PUM3: variants seen among roughly 807,000 people sequenced by gnomAD.
PUM3 encodes the protein pumilio homolog 3.
A neutral mutation model predicts 84.0 loss-of-function variants in PUM3; 91 were observed. The ratio of observed to expected loss-of-function variants is 1.08; its 90% CI spans 0.91 to 1.29. PUM3 has a LOEUF of 1.29. Ranked by LOEUF, PUM3 falls within the 50% of genes most tolerant of loss-of-function variation. The pLI is 0.00. For synonymous variants in PUM3, 321 were observed against 266.7 expected (o/e 1.20, Z -1.98); for missense variants, 1,067 against 767.5 (o/e 1.39, Z -4.61).
At position 2,809,203 on chromosome 9, in the gene PUM3, A is replaced by G. The variant is rs114012935; in HGVS notation, c.1723+1141T>C. On this transcript the variant is annotated intron_variant, in intron 16 of 17. Transcript: ENST00000397885. ...GTTTTAAGGTGGCTACTATCCAGTAAAAGAGAATCAAAACAGCTAGACGTG... is the reference window on the plus strand; with the variant it reads ...GTTTTAAGGTGGCTACTATCCAGTAGAAGAGAATCAAAACAGCTAGACGTG... Among the ~76,000 whole-genome samples, 505 of 152,298 alleles carry G rather than the reference A, an allele frequency of 3.3e-3. 1 individual carries two copies. Among genetic ancestry groups the G allele is most frequent in the African/African-American group, 0.011 (462 of 41,566 alleles).
At position 2,841,345 on chromosome 9, in the gene PUM3, G is replaced by A. The variant is rs190307972; in HGVS notation, c.-11+2700C>T. Among the ~76,000 whole-genome samples the A allele has an allele frequency of 3.1e-4, 47 of 152,272 alleles. 2 individuals are homozygous for A. The East Asian group carries it at 9.1e-3, about 29-fold the overall frequency. On this transcript the variant is annotated intron_variant, in intron 1 of 17. Coordinates refer to ENST00000397885, the MANE Select transcript of PUM3 (RefSeq NM_014878.5). ...CACCTGTAATCCCAGCACTTTGGGA[G>A]GCTGAGGCAGGTGGATTACCTGAGG...
At chr9:2,841,116 G>A (rs1439060001) in intron 1 of PUM3, among the ~76,000 whole-genome samples, 1 of 152,042 alleles carries the variant, frequency 6.6e-6, no homozygotes, top group Non-Finnish European at 1.5e-5. Flanking sequence ...TTCCTTCTCT[G>A]ACAGTGAGCA....
chr9:2,809,840 T>A (rs749314321), intron 16 of PUM3, among the ~76,000 whole-genome samples: 3 of 152,202 alleles, frequency 2.0e-5, no homozygotes, highest in Non-Finnish European at 4.4e-5. Flanking sequence ...AAGACTGGCT[T>A]ACTCTTTGGT....
Position 2,807,768 on chromosome 9 carries a change from T to C in PUM3, c.1814+46A>G, listed in dbSNP as rs780803304. The C allele has an allele frequency of 6.5e-6, 8 of 1,239,976 alleles. No homozygotes were observed. The East Asian group carries it at 7.0e-5, about 11-fold the overall frequency. 76.8% of individuals were successfully genotyped at this position (1,239,976 alleles called of 1,614,324 possible). ...AATCAACGTGAAGGAAGTGTGTCTTTTGCATGACCAGGCCCTGCTCAGAGA... is the reference window on the plus strand; with the variant it reads ...AATCAACGTGAAGGAAGTGTGTCTTCTGCATGACCAGGCCCTGCTCAGAGA... On this transcript the variant is annotated intron_variant, in intron 17 of 17. Transcript: ENST00000397885.
At chr9:2,828,332 T>C (rs1201708341) in intron 9 of PUM3, 2 of 207,662 alleles carry the variant, frequency 9.6e-6, no homozygotes, top group Non-Finnish European at 9.5e-6. Context: ...TGAGCCACTG[T>C]ACCTTGCCTA....
rs1260052322 is a variant in PUM3 at position 2,837,661 on chromosome 9, T to C, written c.83-260A>G. 3.3e-5 allele frequency among the ~76,000 whole-genome samples: 5 copies of C among 152,146 alleles called. No individual in the cohort carries two copies. In the East Asian group the frequency reaches 9.6e-4, roughly 29 times the overall value. ...CTACCCATGATTCTACCACTAAAGA[T>C]AAACACTGGTGTCAGTTTGGTATGT... On this transcript the variant is annotated intron_variant, in intron 2 of 17. Coordinates refer to ENST00000397885, the MANE Select transcript of PUM3 (RefSeq NM_014878.5).
At chr9:2,828,918 G>A (rs1815898927) in intron 8 of PUM3, 140 bp from the exon 9 acceptor site, 2 of 651,060 alleles carry the variant, frequency 3.1e-6, no homozygotes, top group East Asian at 2.8e-5. Context: ...AAGCTCTGCT[G>A]TATATCCTTG....
intron 5 of PUM3, among the ~76,000 whole-genome samples, chr9:2,832,655 A>G (rs1274392321): frequency 6.6e-6 from 1 of 152,202 alleles, no homozygotes; most frequent in African/African-American, 2.4e-5. Context: ...CTGAGGGGGC[A>G]GTCCTATCGT....
intron 17 of PUM3, among the ~76,000 whole-genome samples, chr9:2,807,044 T>C (rs1446070374): frequency 1.3e-5 from 2 of 151,734 alleles, no homozygotes; most frequent in Non-Finnish European, 2.9e-5. Context: ...AGGTCTCTAC[T>C]AAAAATAAAA....
At chr9:2,810,580 A>G in intron 15 of PUM3, 149 bp from the exon 16 acceptor site, 1 of 591,106 alleles carries the variant, frequency 1.7e-6, no homozygotes, top group Non-Finnish European at 3.0e-6. Flanking sequence ...TTTATCTAGG[A>G]CAACCATCAT....
intron 5 of PUM3, 29 bp from the exon 6 acceptor site, chr9:2,831,373 T>C: frequency 7.3e-7 from 1 of 1,375,134 alleles, no homozygotes; most frequent in Middle Eastern, 1.9e-4. Flanking sequence ...GTTAGACTAA[T>C]TCTCTTTTGA....
rs77021523 is a variant in PUM3 at position 2,811,574 on chromosome 9, A to G, written c.1422T>C (p.Asp474=). 6.2e-7 allele frequency: 1 copy of G among 1,613,526 alleles called. No homozygotes were observed. The highest frequency in any genetic ancestry group is 2.2e-5 in the East Asian group (1 of 44,876). Residue 474 remains aspartate, a synonymous_variant, in exon 15 of 18, where the codon GAT becomes GAC. Coordinates refer to ENST00000397885, the MANE Select transcript of PUM3 (RefSeq NM_014878.5). ...KGDGNAHSKK[D]TEVRRRELLE... is the part of the protein sequence containing the mutation. ...GGAGCTCCCGTCTGCGGACCTCTGT[A>G]TCTTTCTTACTGTTGAGTATGTTGA...
At chr9:2,807,667 T>A in intron 17 of PUM3, 147 bp downstream of exon 17, 2 of 453,458 alleles carry the variant, frequency 4.4e-6, no homozygotes, top group Non-Finnish European at 4.0e-6. Flanking sequence ...TGCTTTCTAA[T>A]ATTTGGTATG....
At position 2,837,143 on chromosome 9, in the gene PUM3, C is replaced by T. The variant is rs753082793; in HGVS notation, c.304+37G>A. ...TCCAGAGTCCCTGTGCACAATCGTTCAGGCACTAGTTCAGGCATGAACGAA... is the reference window on the plus strand; with the variant it reads ...TCCAGAGTCCCTGTGCACAATCGTTTAGGCACTAGTTCAGGCATGAACGAA... On this transcript the variant is annotated intron_variant, in intron 3 of 17. Transcript: ENST00000397885. The T allele has an allele frequency of 7.7e-6, 12 of 1,557,158 alleles. No individual in the cohort carries two copies. In the African/African-American group the frequency reaches 1.1e-4, roughly 14 times the overall value.
chr9:2,831,899 T>C (rs1815992406), intron 5 of PUM3, among the ~76,000 whole-genome samples: 1 of 152,204 alleles, frequency 6.6e-6, no homozygotes, highest in East Asian at 1.9e-4. Flanking sequence ...CCTGCACATA[T>C]ATCCAGTTAT....
At chr9:2,833,942 T>C (rs546784406) in intron 4 of PUM3, 89 bp downstream of exon 4, 531 of 1,370,256 alleles carry the variant, frequency 3.9e-4, no homozygotes, top group Non-Finnish European at 4.9e-4. Flanking sequence ...GCTATGTCAT[T>C]TATTTTAGGA....
rs1032101346 is a variant in PUM3, at chr9:2,823,720, A to G, written c.1188+61T>C. On this transcript the variant is annotated intron_variant, in intron 12 of 17. Transcript: ENST00000397885. ...TCTGAATTTTTCCAAATTTTCTATA[A>G]TAGACATGAATTCATCTTACTATCA... 1.1e-5 allele frequency: 8 copies of G among 696,532 alleles called. No homozygotes were observed. In the East Asian group the frequency reaches 2.5e-4, roughly 22 times the overall value. The allele number at this position is 696,532 out of a possible 1,614,324, so 43.1% of individuals were successfully genotyped here. A position where few individuals can be genotyped will look rare whatever the true frequency, so the allele number is the denominator to read the frequency against.
At chr9:2,820,464 T>C (rs991492426) in intron 12 of PUM3, among the ~76,000 whole-genome samples, 1 of 152,004 alleles carries the variant, frequency 6.6e-6, no homozygotes, top group Non-Finnish European at 1.5e-5. Context: ...TCAAAAAACC[T>C]ACATATATAA....
intron 8 of PUM3, 25 bp downstream of exon 8, chr9:2,829,749 A>G: frequency 6.3e-7 from 1 of 1,585,810 alleles, no homozygotes; most frequent in Non-Finnish European, 8.6e-7. Flanking sequence ...TAAAAATACT[A>G]GAAAAAGACT....
Sources: allele counts gnomAD v4.1 joint callset (sites outside exome capture counted in the v4.1 genomes callset), GRCh38; gene constraint gnomAD v4.1.1; transcripts MANE v1.5; gene names NCBI Gene and HGNC (gene_info 2026-07-23, HGNC 2026-07-21).